Variants in NAV2 observed in about 807,000 individuals in gnomAD.
NAV2 encodes helicase, APC down-regulated 1.
A neutral mutation model predicts 223.2 loss-of-function variants in NAV2; 54 were observed. That is an observed-to-expected ratio of 0.24 (90% CI 0.19 to 0.30). The LOEUF (loss-of-function observed/expected upper bound fraction) is 0.30. Among genes scored for constraint, NAV2 ranks in the 10% least tolerant of loss-of-function variants. NAV2 has a pLI of 1.00. For synonymous variants in NAV2, 1,279 were observed against 1,239.3 expected (o/e 1.03, Z -0.67); for missense variants, 2,806 against 3,147.5 (o/e 0.89, Z 2.60).
At chr11:19,403,934 T>TG (rs1183145084) in intron 1 of NAV2, among the ~76,000 whole-genome samples, 1 of 42,964 alleles carries the variant, frequency 2.3e-5, no homozygotes, top group Non-Finnish European at 8.3e-5. Flanking sequence ...CGTACGTGGC[T>TG]CTTACGGGGA....
chr11:19,963,339 G>A (rs557862536), intron 10 of NAV2, among the ~76,000 whole-genome samples: 1 of 152,328 alleles, frequency 6.6e-6, no homozygotes, highest in South Asian at 2.1e-4. Flanking sequence ...GTAACTGGTG[G>A]AAGCAAGCAT....
intron 1 of NAV2, among the ~76,000 whole-genome samples, chr11:19,363,133 C>G (rs1854054615): frequency 6.6e-6 from 1 of 152,082 alleles, no homozygotes; most frequent in African/African-American, 2.4e-5. Context: ...CCTCCCCTAG[C>G]CCCCCACCCC....
chr11:20,095,539 G>C (rs2061193804), intron 29 of NAV2, 133 bp from the exon 30 acceptor site: 1 of 673,094 alleles, frequency 1.5e-6, no homozygotes, highest in South Asian at 1.8e-5. Context: ...GTTATACCTG[G>C]TTTTAATACA....
chr11:19,352,886 C>T (rs763306192), intron 1 of NAV2, among the ~76,000 whole-genome samples: 7 of 152,088 alleles, frequency 4.6e-5, no homozygotes, highest in African/African-American at 7.2e-5. Flanking sequence ...CTTCTGTTGG[C>T]GGCAGCAGCT....
chr11:19,852,357 T>C (rs1660459954), intron 3 of NAV2, among the ~76,000 whole-genome samples: 1 of 152,192 alleles, frequency 6.6e-6, no homozygotes, highest in South Asian at 2.1e-4. Flanking sequence ...GCCTCTATTG[T>C]TAGAACCCTT....
At chr11:19,364,063 C>T (rs1279140519) in intron 1 of NAV2, among the ~76,000 whole-genome samples, 4 of 152,000 alleles carry the variant, frequency 2.6e-5, no homozygotes, top group Admixed American at 6.5e-5. Context: ...CTCTCCCCTC[C>T]CCAGAGGGTG....
chr11:19,884,271 C>CT (rs981910664), intron 5 of NAV2: 12 of 1,593,492 alleles, frequency 7.5e-6, no homozygotes, highest in Non-Finnish European at 1.0e-5. Context: ...AGCTCTTCCA[C>CT]TTTTTTCTTT....
chr11:20,044,022 G>A lies in NAV2; in HGVS notation c.2949G>A (p.Leu983=), dbSNP rs1453308868. 9 of 1,614,080 alleles carry A rather than the reference G, an allele frequency of 5.6e-6. No individual in the cohort carries two copies. Among genetic ancestry groups the A allele is most frequent in the Admixed American group, 1.7e-5 (1 of 60,008 alleles). The part of the protein sequence containing the change: ...EKHSQVERNS[L]WSGDDVKKSD... ...ACTCACAGGTGGAGAGGAATTCCCT[G>A]TGGTCTGGTGATGATGTCAAGAAAT... The change falls in exon 13 of 38, where the codon CTG becomes CTA. Residue 983 remains leucine, a synonymous_variant. Transcript: ENST00000349880.
intron 13 of NAV2, 82 bp downstream of exon 13, chr11:20,044,354 T>A: frequency 1.6e-6 from 2 of 1,249,514 alleles, no homozygotes; most frequent in Non-Finnish European, 2.2e-6. Context: ...GGACTTGACA[T>A]TATATATTTT....
At chr11:19,413,069 G>A (rs566431375) in intron 1 of NAV2, among the ~76,000 whole-genome samples, 138 of 152,262 alleles carry the variant, frequency 9.1e-4, no homozygotes, top group African/African-American at 3.2e-3. Flanking sequence ...ACTGGACGGA[G>A]AATGAGTTTG....
chr11:20,021,590 T>C (rs1021733663), intron 11 of NAV2, among the ~76,000 whole-genome samples: 1 of 152,110 alleles, frequency 6.6e-6, no homozygotes, highest in Non-Finnish European at 1.5e-5. Context: ...TAAGGGGTGG[T>C]TTGAAGCATC....
intron 1 of NAV2, among the ~76,000 whole-genome samples, chr11:19,521,872 A>T (rs1165334222): frequency 6.6e-6 from 1 of 152,114 alleles, no homozygotes; most frequent in Non-Finnish European, 1.5e-5. Flanking sequence ...CTATCATTCA[A>T]TCACTTTTGT....
At chr11:19,578,033 T>A (rs534579349) in intron 1 of NAV2, among the ~76,000 whole-genome samples, 41 of 152,332 alleles carry the variant, frequency 2.7e-4, no homozygotes, top group African/African-American at 9.6e-4. Flanking sequence ...AACACACATC[T>A]ATTTTACAAT....
In NAV2 at chr11:19,923,153, G is replaced by A. The variant is rs112249485; in HGVS notation, c.932-10023G>A. Among the ~76,000 whole-genome samples the A allele has an allele frequency of 8.5e-3, 1,286 of 152,114 alleles. 23 individuals are homozygous for A. The highest frequency in any genetic ancestry group is 0.03 in the African/African-American group (1,237 of 41,482). ...TTCTTCTCCCTTTTTAATTGTCCTC[G>A]TAAGTGGCCAGTGGACATCTGTCTT... On this transcript the variant is annotated intron_variant, in intron 6 of 37. Coordinates refer to ENST00000349880, the MANE Select transcript of NAV2 (RefSeq NM_145117.5).
At chr11:19,439,894 G>A (rs1276311251) in intron 1 of NAV2, among the ~76,000 whole-genome samples, 6 of 152,096 alleles carry the variant, frequency 3.9e-5, no homozygotes, top group Admixed American at 2.6e-4. Flanking sequence ...AGGGCTGCAG[G>A]TATAGCCAAG....
rs780301319 is a variant in NAV2, at chr11:19,832,469, T to C, written c.268-15T>C. 3.2e-6 allele frequency: 5 copies of C among 1,576,110 alleles called. No homozygotes were observed. Among genetic ancestry groups the C allele is most frequent in the Non-Finnish European group, 4.3e-6 (5 of 1,161,556 alleles). On this transcript the variant is annotated splice_polypyrimidine_tract_variant and intron_variant, in intron 1 of 37. Transcript: ENST00000349880. ...CGACTGGCTTCCTAAAGTTGCCTGTTTGCTTTTTTTACAGATCTACACAGA... is the reference window on the plus strand; with the variant it reads ...CGACTGGCTTCCTAAAGTTGCCTGTCTGCTTTTTTTACAGATCTACACAGA...
chr11:19,908,804 T>C (rs1188074335), intron 6 of NAV2, among the ~76,000 whole-genome samples: 1 of 152,108 alleles, frequency 6.6e-6, no homozygotes, highest in Non-Finnish European at 1.5e-5. Context: ...ATATGAAATC[T>C]CCAGAGTAGG....
In NAV2 at chr11:19,713,395, C is replaced by T. The variant is rs2050003018; in HGVS notation, c.-301C>T. The T allele has an allele frequency of 1.7e-6, 2 of 1,206,428 alleles. No individual in the cohort carries two copies. The highest frequency in any genetic ancestry group is 6.9e-5 in the East Asian group (2 of 28,872). The allele number at this position is 1,206,428 out of a possible 1,614,324, so 74.7% of individuals were successfully genotyped here. Reference sequence around the variant, plus strand: ...GGAAATTTGCAAGAGGCGGCAGCCCCTGAGCGCCCAGAGCTCTTGAAAGGC... The same window carrying T: ...GGAAATTTGCAAGAGGCGGCAGCCCTTGAGCGCCCAGAGCTCTTGAAAGGC... On this transcript the variant is annotated 5_prime_UTR_variant, in exon 1 of 38. Coordinates refer to ENST00000349880, the MANE Select transcript of NAV2 (RefSeq NM_145117.5). The surrounding 1 kb of genome is among the most constrained non-coding windows in gnomAD (Gnocchi z 7.2).
intron 1 of NAV2, among the ~76,000 whole-genome samples, chr11:19,689,887 T>A (rs1247940188): frequency 6.6e-6 from 1 of 152,248 alleles, no homozygotes; most frequent in African/African-American, 2.4e-5. Flanking sequence ...ATACTGACTA[T>A]CATATGAGAA....
Sources: gnomAD v4.1 joint callset for allele counts (sites outside exome capture counted in the v4.1 genomes callset) on GRCh38, gnomAD v4.1.1 for gene constraint, Gnocchi (gnomAD v3.1) non-coding constraint, MANE v1.5 for transcripts, NCBI Gene and HGNC (gene_info 2026-07-23, HGNC 2026-07-21) for gene names.